The following FER variants were observed in gnomAD, a reference collection of about 807,000 sequenced individuals.
FER encodes tyrosine-protein kinase Fer.
Under a neutral mutation model 111.0 loss-of-function variants are expected in FER, and 63 were observed. The ratio of observed to expected loss-of-function variants is 0.57; its 90% CI spans 0.46 to 0.70. FER has a LOEUF of 0.70. FER is among the 30% of genes least tolerant of loss of function. The pLI is 0.00. For missense variants in FER, 914 were observed against 954.0 expected (o/e 0.96, Z 0.55); for synonymous variants, 327 against 313.9 (o/e 1.04, Z -0.44).
At chr5:109,007,800 G>GT (rs558053825) in intron 13 of FER, among the ~76,000 whole-genome samples, 332 of 152,276 alleles carry the variant, frequency 2.2e-3, no homozygotes, top group African/African-American at 7.5e-3. Context: ...GGTTTGTCTA[G>GT]TAAGTGTTCC....
At chr5:108,849,637 C>T (rs1762359995) in intron 5 of FER, among the ~76,000 whole-genome samples, 1 of 152,134 alleles carries the variant, frequency 6.6e-6, no homozygotes, top group Admixed American at 6.6e-5. Flanking sequence ...TCACCCAGTT[C>T]TAACATCTGT....
chr5:109,122,355 A>T (rs1043333224), intron 17 of FER, among the ~76,000 whole-genome samples: 1 of 151,902 alleles, frequency 6.6e-6, no homozygotes, highest in African/African-American at 2.4e-5. Flanking sequence ...ATATTGTTTA[A>T]TTTCCGTGTG....
chr5:109,029,293 A>G lies in FER; in HGVS notation c.1657-8129A>G, dbSNP rs976949874. ...TTAAGTTTTAGGGTACATGTGCACA[A>G]TGTGCAGGTTAGTTACATATGTATA... is the stretch of plus-strand genomic sequence containing the variant. On this transcript the variant is annotated intron_variant, in intron 13 of 19. Coordinates refer to ENST00000281092, the MANE Select transcript of FER (RefSeq NM_005246.4). 6.1e-5 allele frequency among the ~76,000 whole-genome samples: 9 copies of G among 147,876 alleles called. 1 individual carries two copies. The South Asian group carries it at 1.7e-3, about 28-fold the overall frequency.
chr5:108,764,758 T>C (rs2149945133), intron 1 of FER, among the ~76,000 whole-genome samples: 1 of 152,338 alleles, frequency 6.6e-6, no homozygotes, highest in East Asian at 1.9e-4. Context: ...AAAATAAATA[T>C]TTAGTTTATC....
chr5:108,785,201 A>G (rs971936811), intron 2 of FER: 11 of 597,984 alleles, frequency 1.8e-5, no homozygotes, highest in Admixed American at 5.1e-5. Flanking sequence ...CACTGTGACT[A>G]TGTCTCCAAA....
chr5:108,917,670 A>G (rs557065179), intron 10 of FER, among the ~76,000 whole-genome samples: 3 of 152,168 alleles, frequency 2.0e-5, no homozygotes, highest in South Asian at 2.1e-4. Flanking sequence ...GTTTGCTTCT[A>G]ATTTTCCTTA....
Position 109,196,077 on chromosome 5 carries a change from A to G in FER, c.*8502A>G, listed in dbSNP as rs999320048. 1 of 152,278 alleles carries G rather than the reference A, an allele frequency of 6.6e-6. No individual in the cohort carries two copies. The highest frequency in any genetic ancestry group is 1.5e-5 in the Non-Finnish European group (1 of 68,076). The allele number at this position is 152,278 out of a possible 1,614,324, so 9.4% of individuals were successfully genotyped here. On this transcript the variant is annotated 3_prime_UTR_variant, in exon 20 of 20. Transcript: ENST00000281092. ...AATGGAAGAATAAAATCAAGTTGTCAAAGTTCCAGCAACAGCCCTGACTTC... is the reference window on the plus strand; with the variant it reads ...AATGGAAGAATAAAATCAAGTTGTCGAAGTTCCAGCAACAGCCCTGACTTC...
At chr5:108,951,610 C>T (rs1279823354) in intron 11 of FER, among the ~76,000 whole-genome samples, 2 of 152,072 alleles carry the variant, frequency 1.3e-5, no homozygotes, top group African/African-American at 4.8e-5. Context: ...AATTAAATGT[C>T]ATTTTCATGT....
intron 3 of FER, among the ~76,000 whole-genome samples, chr5:108,823,683 C>T (rs1759141300): frequency 6.6e-6 from 1 of 152,050 alleles, no homozygotes; most frequent in Admixed American, 6.5e-5. Context: ...ATATCAGTTC[C>T]CTTATTAGAT....
rs1348880589 is a variant in FER, at chr5:109,196,646, A to G, written c.*9071A>G. ...TTGTTAGTTTTTACATTCAAAAGAA[A>G]TACACTTTGAACTTTGGCTAACATT... On this transcript the variant is annotated 3_prime_UTR_variant, in exon 20 of 20. Coordinates refer to ENST00000281092, the MANE Select transcript of FER (RefSeq NM_005246.4). 1.3e-5 allele frequency: 2 copies of G among 152,170 alleles called. No individual in the cohort carries two copies. The highest frequency in any genetic ancestry group is 2.9e-5 in the Non-Finnish European group (2 of 68,026). 9.4% of individuals were successfully genotyped at this position (152,170 alleles called of 1,614,324 possible).
Position 109,188,714 on chromosome 5 carries a change from C to G in FER, c.*1139C>G, listed in dbSNP as rs116633195. On this transcript the variant is annotated 3_prime_UTR_variant, in exon 20 of 20. Transcript: ENST00000281092. ...GGTCCTAAGAAAAGTTTCAGGAGTT[C>G]GTAGAGTCCTCGTAATGGCAACAAA... The G allele has an allele frequency of 1.9e-3, 285 of 152,226 alleles. No homozygotes were observed. Among genetic ancestry groups the G allele is most frequent in the African/African-American group, 6.4e-3 (266 of 41,566 alleles). 9.4% of individuals were successfully genotyped at this position (152,226 alleles called of 1,614,324 possible). A position where few individuals can be genotyped will look rare whatever the true frequency, so the allele number is the denominator to read the frequency against.
At chr5:108,937,882 C>G (rs1001373727) in intron 10 of FER, among the ~76,000 whole-genome samples, 2 of 151,452 alleles carry the variant, frequency 1.3e-5, no homozygotes, top group African/African-American at 4.8e-5. Flanking sequence ...ATATATAACT[C>G]TTTTAGGAAT....
At chr5:109,063,770 G>A (rs1774742268) in intron 16 of FER, among the ~76,000 whole-genome samples, 1 of 152,206 alleles carries the variant, frequency 6.6e-6, no homozygotes, top group Admixed American at 6.5e-5. Flanking sequence ...GTTGTTTGAA[G>A]ATGATGGTAG....
intron 17 of FER, among the ~76,000 whole-genome samples, chr5:109,111,762 A>G (rs895732685): frequency 1.3e-5 from 2 of 152,108 alleles, no homozygotes; most frequent in African/African-American, 4.8e-5. Context: ...ATCAAATCTC[A>G]TAAGAACTCA....
chr5:109,014,179 A>T lies in FER; in HGVS notation c.1657-23243A>T, dbSNP rs1179659294. 4.0e-3 allele frequency among the ~76,000 whole-genome samples: 611 copies of T among 151,446 alleles called. 3 individuals are homozygous for T. The highest frequency in any genetic ancestry group is 0.014 in the African/African-American group (578 of 41,240). ...GCCCATGCCTATGTCCTGAATGGTA[A>T]TGCCTAGGTTTTCTTCTAGGGTTTT... On this transcript the variant is annotated intron_variant, in intron 13 of 19. Transcript: ENST00000281092.
intron 12 of FER, 145 bp downstream of exon 12, chr5:108,955,077 GCTT>G: frequency 1.9e-6 from 1 of 529,218 alleles, no homozygotes. Context: ...TAAATACAGT[GCTT>G]CAAAATGTAC....
At chr5:108,986,743 A>T (rs537971249) in intron 13 of FER, among the ~76,000 whole-genome samples, 2 of 152,132 alleles carry the variant, frequency 1.3e-5, no homozygotes, top group African/African-American at 4.8e-5. Flanking sequence ...TTTGTTGAAG[A>T]TCAGTTGACT....
At chr5:108,783,102 T>C (rs1321760801) in intron 2 of FER, among the ~76,000 whole-genome samples, 1 of 152,158 alleles carries the variant, frequency 6.6e-6, no homozygotes, top group Non-Finnish European at 1.5e-5. Context: ...GATACAAATG[T>C]TGGATCTTTT....
chr5:108,888,838 C>A (rs879729126), intron 9 of FER, among the ~76,000 whole-genome samples: 1 of 151,746 alleles, frequency 6.6e-6, no homozygotes. Context: ...TAATTGATTT[C>A]ATGATCAGAC....
Sources: allele counts gnomAD v4.1 joint callset (sites outside exome capture counted in the v4.1 genomes callset), GRCh38; gene constraint gnomAD v4.1.1; transcripts MANE v1.5; gene names NCBI Gene and HGNC (gene_info 2026-07-23, HGNC 2026-07-21).